ADGRD1: variants seen among roughly 807,000 people sequenced by gnomAD.
ADGRD1 encodes the protein adhesion G protein-coupled receptor D1, also known as G-protein coupled receptor 133.
A neutral mutation model predicts 113.4 loss-of-function variants in ADGRD1; 77 were observed. The ratio of observed to expected loss-of-function variants is 0.68; its 90% CI spans 0.57 to 0.82. The LOEUF (loss-of-function observed/expected upper bound fraction) is 0.82, where lower values mean the gene tolerates loss of function less well. Among genes scored for constraint, ADGRD1 ranks in the 40% least tolerant of loss-of-function variants. The pLI is 0.00. For missense variants in ADGRD1, 1,036 were observed against 1,139.1 expected, an observed-to-expected ratio of 0.91 and a Z score of 1.30; for synonymous variants, 474 against 475.0, an observed-to-expected ratio of 1.00 and a Z score of 0.03.
intron 13 of ADGRD1, among the ~76,000 whole-genome samples, chr12:131,028,977 C>T (rs752154454): frequency 6.6e-6 from 1 of 152,226 alleles, no homozygotes; most frequent in Admixed American, 6.5e-5. Flanking sequence ...GGGTGGGGCT[C>T]GGCAGTGCCG....
chr12:130,969,208 G>A, intron 3 of ADGRD1: 1 of 633,442 alleles, frequency 1.6e-6, no homozygotes, highest in Non-Finnish European at 2.8e-6. Context: ...AGTCAAGACA[G>A]CAGATCCAAG....
At chr12:130,980,206 G>A (rs1326336907) in intron 4 of ADGRD1, among the ~76,000 whole-genome samples, 1 of 149,354 alleles carries the variant, frequency 6.7e-6, no homozygotes, top group Admixed American at 6.7e-5. Context: ...CCGGGTTCAC[G>A]CCATTCTCCT....
At chr12:131,066,968 G>A (rs930792531) in intron 13 of ADGRD1, among the ~76,000 whole-genome samples, 13 of 152,190 alleles carry the variant, frequency 8.5e-5, no homozygotes, top group Non-Finnish European at 1.5e-4. Context: ...GCAGAGGGAC[G>A]AAGCGATGGA....
At chr12:131,103,131 T>G (rs748696027) in intron 15 of ADGRD1, among the ~76,000 whole-genome samples, 2 of 152,206 alleles carry the variant, frequency 1.3e-5, no homozygotes, top group African/African-American at 4.8e-5. Flanking sequence ...AAATTGGAAG[T>G]TGTGCGCAGG....
intron 8 of ADGRD1, among the ~76,000 whole-genome samples, chr12:130,997,018 C>T (rs1308169058): frequency 7.3e-6 from 1 of 137,434 alleles, no homozygotes; most frequent in Non-Finnish European, 1.6e-5. Context: ...GGCTGACCCC[C>T]CCACCTCCCT....
In ADGRD1 at chr12:130,992,253, A is replaced by G; in HGVS notation, c.827A>G (p.Tyr276Cys). The G allele has an allele frequency of 1.2e-6, 2 of 1,612,390 alleles. No homozygotes were observed. The highest frequency in any genetic ancestry group is 1.7e-6 in the Non-Finnish European group (2 of 1,179,580). Residue 276 changes from tyrosine (Y) to cysteine (C), a missense_variant, in exon 8 of 25, where the codon TAC becomes TGC. Coordinates refer to ENST00000261654, the MANE Select transcript of ADGRD1 (RefSeq NM_198827.5). ...TTCTTTCAGATGCCCACAGATGCCT[A>G]CCATCCCATCATAACCAACCTGACA... is the stretch of plus-strand genomic sequence containing the variant. ...TASPVMPTDA[Y>C]HPIITNLTEE...
chr12:130,976,264 G>A (rs1387053925), intron 4 of ADGRD1, among the ~76,000 whole-genome samples: 1 of 152,152 alleles, frequency 6.6e-6, no homozygotes, highest in African/African-American at 2.4e-5. Context: ...GGGCTTGGAG[G>A]CCTGTGGAGC....
intron 13 of ADGRD1, among the ~76,000 whole-genome samples, chr12:131,068,139 C>A (rs1281775431): frequency 6.6e-6 from 1 of 152,162 alleles, no homozygotes; most frequent in Non-Finnish European, 1.5e-5. Flanking sequence ...ACCATGGGGA[C>A]CAGGGGCTGG....
intron 6 of ADGRD1, chr12:130,990,170 G>A (rs1417166408): frequency 6.6e-6 from 1 of 152,190 alleles, no homozygotes; most frequent in Non-Finnish European, 1.5e-5. Flanking sequence ...CTGACTTGGA[G>A]AACAGAGCGG....
intron 13 of ADGRD1, among the ~76,000 whole-genome samples, chr12:131,049,943 G>C (rs529682447): frequency 6.6e-6 from 1 of 152,296 alleles, no homozygotes; most frequent in South Asian, 2.1e-4. Flanking sequence ...CTAAAACCTG[G>C]ACAAGCAGGA....
At chr12:131,079,024 G>A (rs769418734) in intron 14 of ADGRD1, among the ~76,000 whole-genome samples, 18 of 152,078 alleles carry the variant, frequency 1.2e-4, no homozygotes, top group African/African-American at 1.7e-4. Context: ...TCTCACGTCC[G>A]GCTCCTGCAA....
At position 131,076,894 on chromosome 12, in the gene ADGRD1, G is replaced by C. The variant is rs986917662; in HGVS notation, c.1547+20G>C. ...CTTCAGGTACCCTCTGCACAGGGGAGAGCAGGTGGGCATGAGGTGTCCAAG... is the reference window on the plus strand; with the variant it reads ...CTTCAGGTACCCTCTGCACAGGGGACAGCAGGTGGGCATGAGGTGTCCAAG... On this transcript the variant is annotated intron_variant, in intron 14 of 24. Coordinates refer to ENST00000261654, the MANE Select transcript of ADGRD1 (RefSeq NM_198827.5). 24 of 1,606,946 alleles carry C rather than the reference G, an allele frequency of 1.5e-5. No homozygotes were observed. The highest frequency in any genetic ancestry group is 2.0e-5 in the Non-Finnish European group (24 of 1,173,384).
At chr12:130,960,815 T>C (rs1016837271) in intron 2 of ADGRD1, among the ~76,000 whole-genome samples, 2 of 151,908 alleles carry the variant, frequency 1.3e-5, no homozygotes, top group African/African-American at 2.4e-5. Flanking sequence ...GTAAATGCCA[T>C]GAGAAAACCA....
In ADGRD1 at chr12:130,965,871, T is replaced by C. The variant is rs1359075045; in HGVS notation, c.104-592T>C. On this transcript the variant is annotated intron_variant, in intron 2 of 24. Transcript: ENST00000261654. This position sits in a 1 kb window ranked among gnomAD's most constrained non-coding sequence, Gnocchi z 4.8. ...AATGACCAGGATTAAATTGAGAAAGTGAGTATTGCGTCTACAATGAGCTGG... is the reference window on the plus strand; with the variant it reads ...AATGACCAGGATTAAATTGAGAAAGCGAGTATTGCGTCTACAATGAGCTGG... Among the ~76,000 whole-genome samples, 1 of 152,192 alleles carries C rather than the reference T, an allele frequency of 6.6e-6. No individual in the cohort carries two copies. The highest frequency in any genetic ancestry group is 6.5e-5 in the Admixed American group (1 of 15,280).
chr12:131,129,365 G>A (rs536300390), intron 20 of ADGRD1, among the ~76,000 whole-genome samples: 21 of 93,706 alleles, frequency 2.2e-4, no homozygotes, highest in African/African-American at 1.2e-3. Flanking sequence ...GTGACAGGCT[G>A]GCCCTCCTGT....
At chr12:130,956,557 G>T in intron 2 of ADGRD1, 1 of 152,466 alleles carries the variant, frequency 6.6e-6, no homozygotes, top group Middle Eastern at 3.4e-3. Flanking sequence ...CTCATGGCTT[G>T]GGCTGGGCTC....
At chr12:131,138,365 A>C in intron 24 of ADGRD1, 136 bp downstream of exon 24, 2 of 689,684 alleles carry the variant, frequency 2.9e-6, no homozygotes, top group Non-Finnish European at 5.1e-6. Context: ...TCATGCCTGC[A>C]GGCTGCACGT....
In ADGRD1 at chr12:131,022,251, G is replaced by GC. The variant is rs2136876080; in HGVS notation, c.1473+7913dup. Among the ~76,000 whole-genome samples, 1 of 152,262 alleles carries GC rather than the reference G, an allele frequency of 6.6e-6. No individual in the cohort carries two copies. Among genetic ancestry groups the GC allele is most frequent in the Admixed American group, 6.5e-5 (1 of 15,296 alleles). ...GGATGGCATGAGTGAGGTGGTGTCTGCCAGATGAACCCACTGTAAAGGGAT... is the reference window on the plus strand; with the variant it reads ...GGATGGCATGAGTGAGGTGGTGTCTGCCCAGATGAACCCACTGTAAAGGGAT... On this transcript the variant is annotated intron_variant, in intron 13 of 24. Coordinates refer to ENST00000261654, the MANE Select transcript of ADGRD1 (RefSeq NM_198827.5). This position sits in a 1 kb window ranked among gnomAD's most constrained non-coding sequence, Gnocchi z 4.6.
At chr12:130,998,857 C>T (rs972155960) in intron 8 of ADGRD1, among the ~76,000 whole-genome samples, 5 of 152,108 alleles carry the variant, frequency 3.3e-5, no homozygotes, top group East Asian at 1.9e-4. Flanking sequence ...TGTACTGTAC[C>T]GTGAGGCAGT....
Sources: allele counts gnomAD v4.1 joint callset (sites outside exome capture counted in the v4.1 genomes callset), GRCh38; gene constraint gnomAD v4.1.1; non-coding constraint Gnocchi (gnomAD v3.1); transcripts MANE v1.5; gene names NCBI Gene and HGNC (gene_info 2026-07-23, HGNC 2026-07-21).